DHRSX: variants seen among roughly 807,000 people sequenced by gnomAD.
DHRSX encodes polyprenol dehydrogenase.
A neutral mutation model predicts 34.0 loss-of-function variants in DHRSX; 31 were observed. The ratio of observed to expected loss-of-function variants is 0.91; its 90% CI spans 0.69 to 1.23. The LOEUF (loss-of-function observed/expected upper bound fraction) is 1.23, where lower values mean the gene tolerates loss of function less well. Among genes scored for constraint, DHRSX ranks in the 50% most tolerant of loss-of-function variants. DHRSX has a pLI of 0.00. For synonymous variants in DHRSX, 201 were observed against 183.8 expected, an observed-to-expected ratio of 1.09 and a Z score of -0.76; for missense variants, 414 against 428.1, an observed-to-expected ratio of 0.97 and a Z score of 0.29.
chrX:2,386,156 A>ATTATTTATTTATTTAT (rs768572407), intron 3 of DHRSX, among the ~76,000 whole-genome samples: 67 of 143,996 alleles, frequency 4.7e-4, no homozygotes, highest in Admixed American at 5.6e-4. Flanking sequence ...TAGATAATCA[A>ATTATTTATTTATTTAT]TTATTTATTT....
chrX:2,391,205 A>G (rs972969348), intron 3 of DHRSX, among the ~76,000 whole-genome samples: 7 of 152,116 alleles, frequency 4.6e-5, no homozygotes, highest in Non-Finnish European at 5.9e-5. Context: ...ATCTGTTCTT[A>G]CTTTTTATTT....
At chrX:2,404,729 C>T (rs996048131) in intron 3 of DHRSX, among the ~76,000 whole-genome samples, 12 of 152,246 alleles carry the variant, frequency 7.9e-5, no homozygotes, top group African/African-American at 2.4e-4. Flanking sequence ...TCCCCCTACA[C>T]AGAGCTCCCC....
rs1248358933 is a variant in DHRSX, at chrX:2,409,254, C to T, written c.218-441G>A. Among the ~76,000 whole-genome samples the T allele has an allele frequency of 2.6e-5, 4 of 152,152 alleles. No homozygotes were observed. The East Asian group carries it at 5.8e-4, about 22-fold the overall frequency. ...TGATCACAGACCGTGGTTCCTACTA[C>T]GTGCTCAGGATTTCTTTCTGTTTCT... On this transcript the variant is annotated intron_variant, in intron 2 of 6. Transcript: ENST00000334651.
chrX:2,399,725 C>CAAAAAA lies in DHRSX; in HGVS notation c.286+9014_286+9019dup, dbSNP rs779558142. ...CGTCTCAAAACAAACAAACAAAAAG[C>CAAAAAA]AAAAAAAAAAAAAAAAACAAAAAAA... On this transcript the variant is annotated intron_variant, in intron 3 of 6. Coordinates refer to ENST00000334651, the MANE Select transcript of DHRSX (RefSeq NM_145177.3). Among the ~76,000 whole-genome samples, 232 of 34,860 alleles carry CAAAAAA rather than the reference C, an allele frequency of 6.7e-3. 3 individuals carry two copies. Among genetic ancestry groups the CAAAAAA allele is most frequent in the Non-Finnish European group, 7.2e-3 (147 of 20,374 alleles). 22.9% of individuals were successfully genotyped at this position (34,860 alleles called of 152,430 possible). A position where few individuals can be genotyped will look rare whatever the true frequency, so the allele number is the denominator to read the frequency against.
At chrX:2,264,950 G>T (rs2041425904) in intron 5 of DHRSX, among the ~76,000 whole-genome samples, 1 of 125,222 alleles carries the variant, frequency 8.0e-6, no homozygotes, top group Admixed American at 8.1e-5. Flanking sequence ...ACTCCAGGGA[G>T]CACCGTAGCC....
In DHRSX at chrX:2,313,472, G is replaced by A. The variant is rs186378267; in HGVS notation, c.287-21869C>T. 4.4e-3 allele frequency among the ~76,000 whole-genome samples: 661 copies of A among 151,896 alleles called. 5 individuals carry two copies. Among genetic ancestry groups the A allele is most frequent in the African/African-American group, 0.015 (612 of 41,438 alleles). ...CAACCTCCGCCTCCCAGGTTCAAGC[G>A]ATTCTCCTGCCTCAGCCTCCCAAAT... On this transcript the variant is annotated intron_variant, in intron 3 of 6. Transcript: ENST00000334651.
intron 2 of DHRSX, 148 bp from the exon 3 acceptor site, chrX:2,408,961 C>T (rs910936558): frequency 9.9e-6 from 7 of 710,210 alleles, no homozygotes; most frequent in Non-Finnish European, 1.7e-5. Context: ...TAGCGTCTAA[C>T]TTGACAGCCA....
intron 5 of DHRSX, among the ~76,000 whole-genome samples, chrX:2,265,579 C>G (rs1189530327): frequency 7.3e-6 from 1 of 137,272 alleles, no homozygotes; most frequent in Admixed American, 7.2e-5. Context: ...GCAGGGAGCA[C>G]TGTCCCCAGA....
chrX:2,335,240 AC>A (rs2042541258), intron 3 of DHRSX, among the ~76,000 whole-genome samples: 2 of 151,866 alleles, frequency 1.3e-5, no homozygotes, highest in Admixed American at 1.3e-4. Context: ...CACCCATGAC[AC>A]AGCCTCAGGT....
intron 4 of DHRSX, among the ~76,000 whole-genome samples, chrX:2,283,465 G>A (rs888085272): frequency 2.0e-5 from 3 of 152,078 alleles, no homozygotes; most frequent in African/African-American, 4.8e-5. Context: ...TGCATGCGCC[G>A]CGATGCAACA....
chrX:2,311,513 C>A (rs2042165260), intron 3 of DHRSX, among the ~76,000 whole-genome samples: 1 of 152,084 alleles, frequency 6.6e-6, no homozygotes, highest in Admixed American at 6.6e-5. Context: ...TCCTCTGACT[C>A]CCAGGTCTAG....
chrX:2,438,306 T>TACACAC (rs113154779), intron 1 of DHRSX, among the ~76,000 whole-genome samples: 18,691 of 149,426 alleles, frequency 0.13, 2,070 homozygotes, highest in African/African-American at 0.3. Context: ...ACAGAATGCA[T>TACACAC]ACACACACAC....
At chrX:2,224,128 G>A (rs112226741) in intron 6 of DHRSX, among the ~76,000 whole-genome samples, 4,159 of 152,336 alleles carry the variant, frequency 0.027, 209 homozygotes, top group African/African-American at 0.095. Flanking sequence ...CAAGTTTTGT[G>A]TTGTTGTCTG....
chrX:2,333,909 T>C (rs908351680), intron 3 of DHRSX, among the ~76,000 whole-genome samples: 1 of 152,162 alleles, frequency 6.6e-6, no homozygotes, highest in African/African-American at 2.4e-5. Flanking sequence ...TCCATGTTCC[T>C]GCAAAAAATA....
intron 1 of DHRSX, among the ~76,000 whole-genome samples, chrX:2,431,323 T>TCA (rs1441589842): frequency 5.1e-5 from 4 of 77,726 alleles, no homozygotes; most frequent in South Asian, 6.2e-4. Flanking sequence ...AGACTCCATC[T>TCA]CACAAAAAAA....
In DHRSX at chrX:2,301,888, G is replaced by A. The variant is rs190761550; in HGVS notation, c.287-10285C>T. On this transcript the variant is annotated intron_variant, in intron 3 of 6. Transcript: ENST00000334651. The stretch of plus-strand genomic sequence containing the variant: ...CCGGACCTTGTGATCTGCCCGCCTC[G>A]GCCTCCCAAAGTGCTGGGATTACAG... 1.4e-4 allele frequency among the ~76,000 whole-genome samples: 22 copies of A among 152,010 alleles called. No homozygotes were observed. In the East Asian group the frequency reaches 3.9e-3, roughly 27 times the overall value.
intron 6 of DHRSX, among the ~76,000 whole-genome samples, chrX:2,241,004 T>G (rs929690566): frequency 4.6e-5 from 7 of 151,838 alleles, no homozygotes; most frequent in African/African-American, 1.7e-4. Flanking sequence ...GCCAACATGG[T>G]GAAACCCTGT....
intron 6 of DHRSX, among the ~76,000 whole-genome samples, chrX:2,232,529 G>T (rs898969653): frequency 6.6e-6 from 1 of 151,900 alleles, no homozygotes; most frequent in African/African-American, 2.4e-5. Flanking sequence ...TGCACCCCTG[G>T]TATTTCTAAC....
intron 5 of DHRSX, among the ~76,000 whole-genome samples, chrX:2,251,080 G>A (rs1478206048): frequency 6.6e-6 from 1 of 152,040 alleles, no homozygotes; most frequent in Non-Finnish European, 1.5e-5. Context: ...CACCTCCAGG[G>A]GCTCAGTTCT....
Sources: gnomAD v4.1 joint callset for allele counts (sites outside exome capture counted in the v4.1 genomes callset) on GRCh38, gnomAD v4.1.1 for gene constraint, MANE v1.5 for transcripts, NCBI Gene and HGNC (gene_info 2026-07-23, HGNC 2026-07-21) for gene names.